EDA: variants seen among roughly 807,000 people sequenced by gnomAD.
The protein encoded by EDA is ectodysplasin A.
A neutral mutation model predicts 23.6 loss-of-function variants in EDA; 2 were observed. That is an observed-to-expected ratio of 0.08 (90% CI 0.03 to 0.27). EDA has a LOEUF of 0.27. EDA is among the 10% of genes least tolerant of loss of function. EDA has a pLI of 1.00. For synonymous variants in EDA, 131 were observed against 132.0 expected (o/e 0.99, Z 0.05); for missense variants, 229 against 324.2 (o/e 0.71, Z 2.26).
chrX:69,771,519 G>T (rs1050901403), intron 1 of EDA, among the ~76,000 whole-genome samples: 1 of 111,620 alleles, frequency 9.0e-6, no homozygotes, highest in African/African-American at 3.3e-5. Context: ...GCAGTGCCTG[G>T]TGTGAGGGGG....
intron 1 of EDA, among the ~76,000 whole-genome samples, chrX:69,762,735 A>G (rs2014348655): frequency 8.9e-6 from 1 of 112,131 alleles, no homozygotes; most frequent in Non-Finnish European, 1.9e-5. Context: ...AGAAGAGGAA[A>G]GGTGATTTCC....
chrX:69,735,854 G>C (rs2013233746), intron 1 of EDA, among the ~76,000 whole-genome samples: 1 of 111,348 alleles, frequency 9.0e-6, no homozygotes, highest in East Asian at 2.8e-4. Context: ...AAGAACAAAA[G>C]AGGATTGCCC....
At chrX:70,024,991 C>A (rs143422807) in intron 3 of EDA, among the ~76,000 whole-genome samples, 2 of 111,728 alleles carry the variant, frequency 1.8e-5, no homozygotes, top group African/African-American at 6.5e-5. Context: ...TGAAGTTATC[C>A]TCTTGCTCCA....
chrX:69,921,193 T>G (rs1046967646), intron 1 of EDA, among the ~76,000 whole-genome samples: 1 of 110,527 alleles, frequency 9.0e-6, no homozygotes, highest in Non-Finnish European at 1.9e-5. Flanking sequence ...ATATGTATAT[T>G]TCCTGCCCCA....
Position 69,934,709 on chromosome X carries a change from A to G in EDA, c.397-22318A>G, listed in dbSNP as rs1380182731. Among the ~76,000 whole-genome samples, 5 of 111,969 alleles carry G rather than the reference A, an allele frequency of 4.5e-5. No individual in the cohort carries two copies. The East Asian group carries it at 1.4e-3, about 31-fold the overall frequency. On this transcript the variant is annotated intron_variant, in intron 1 of 7. Coordinates refer to ENST00000374552, the MANE Select transcript of EDA (RefSeq NM_001399.5). Reference sequence around the variant, plus strand: ...TTTTGATACAGGCACACAATGTGTAATAATCACAACAAGGTAAATGCAGTA... The same window carrying G: ...TTTTGATACAGGCACACAATGTGTAGTAATCACAACAAGGTAAATGCAGTA...
intron 4 of EDA, among the ~76,000 whole-genome samples, chrX:70,029,085 G>C (rs1316519194): frequency 8.9e-6 from 1 of 112,676 alleles, no homozygotes; most frequent in Non-Finnish European, 1.9e-5. Context: ...TTATCTCCTA[G>C]AGGAAGAGAG....
intron 1 of EDA, among the ~76,000 whole-genome samples, chrX:69,785,813 GAGTT>G (rs2015143546): frequency 9.4e-6 from 1 of 106,865 alleles, no homozygotes; most frequent in Non-Finnish European, 2.0e-5. Flanking sequence ...CTCATAAAAT[GAGTT>G]AGGGAGGATT....
chrX:69,976,677 T>C (rs971612588), intron 2 of EDA, among the ~76,000 whole-genome samples: 3 of 110,099 alleles, frequency 2.7e-5, no homozygotes, highest in African/African-American at 9.9e-5. Flanking sequence ...GGGAGTGTAA[T>C]GATTTGGAGA....
intron 1 of EDA, among the ~76,000 whole-genome samples, chrX:69,848,567 C>G (rs2017055718): frequency 8.9e-6 from 1 of 111,861 alleles, no homozygotes; most frequent in Admixed American, 9.5e-5. Context: ...GTCCCCCATA[C>G]AATCCCCAGT....
At position 69,742,085 on chromosome X, in the gene EDA, G is replaced by C. The variant is rs1057234812; in HGVS notation, c.396+125381G>C. Among the ~76,000 whole-genome samples the C allele has an allele frequency of 3.6e-5, 4 of 111,989 alleles. No homozygotes were observed. The South Asian group carries it at 1.5e-3, about 42-fold the overall frequency. On this transcript the variant is annotated intron_variant, in intron 1 of 7. Coordinates refer to ENST00000374552, the MANE Select transcript of EDA (RefSeq NM_001399.5). ...GGATTGGCAGCTTTTGAGTTTCCCA[G>C]CTTTTCTCTCCTGGTGTAGAATCTT...
chrX:69,645,633 T>G (rs1361977453), intron 1 of EDA, among the ~76,000 whole-genome samples: 1 of 97,429 alleles, frequency 1.0e-5, no homozygotes, highest in Non-Finnish European at 2.0e-5. Context: ...TATATATATA[T>G]ATGTATAAAA....
At chrX:69,710,495 A>G (rs2011950814) in intron 1 of EDA, among the ~76,000 whole-genome samples, 1 of 111,190 alleles carries the variant, frequency 9.0e-6, no homozygotes, top group Non-Finnish European at 1.9e-5. Flanking sequence ...TTTTGGTTCC[A>G]TATGAACTTT....
chrX:69,677,030 C>T (rs1377628862), intron 1 of EDA, among the ~76,000 whole-genome samples: 69 of 91,432 alleles, frequency 7.5e-4, no homozygotes, highest in African/African-American at 2.6e-3. Context: ...TTCCTGTGTC[C>T]ATGTGTTCTC....
chrX:69,956,492 C>G (rs1477266840), intron 1 of EDA, among the ~76,000 whole-genome samples: 1 of 108,948 alleles, frequency 9.2e-6, no homozygotes, highest in Non-Finnish European at 1.9e-5. Flanking sequence ...TAGGCACCCC[C>G]CACCACCACA....
Position 70,035,800 on chromosome X carries a change from T to A in EDA, c.*191T>A. 2.0e-6 allele frequency: 1 copy of A among 499,705 alleles called. No individual in the cohort carries two copies. Among genetic ancestry groups the A allele is most frequent in the Non-Finnish European group, 3.3e-6 (1 of 303,175 alleles). The allele number at this position is 499,705 out of a possible 1,213,427, so 41.2% of individuals were successfully genotyped here. ...TTGACTTTCCAGAATGACCTTGAGT[T>A]AACAGGACAGTTGATGGAGCCCCAG... On this transcript the variant is annotated 3_prime_UTR_variant, in exon 8 of 8. Transcript: ENST00000374552.
chrX:69,967,293 T>C (rs1184758963), intron 2 of EDA, among the ~76,000 whole-genome samples: 1 of 110,893 alleles, frequency 9.0e-6, no homozygotes, highest in African/African-American at 3.3e-5. Flanking sequence ...CAGAAGTAGA[T>C]AGATTTGAGT....
chrX:69,781,705 C>T (rs1273627620), intron 1 of EDA, among the ~76,000 whole-genome samples: 1 of 110,769 alleles, frequency 9.0e-6, no homozygotes, highest in Non-Finnish European at 1.9e-5. Context: ...TCAACAGAAA[C>T]CTATAGTCAC....
At chrX:69,716,152 T>C (rs751813233) in intron 1 of EDA, among the ~76,000 whole-genome samples, 6 of 112,260 alleles carry the variant, frequency 5.3e-5, no homozygotes, top group African/African-American at 1.9e-4. Context: ...TGTGCCTATA[T>C]CCTGAGTGGT....
chrX:69,688,648 A>T (rs937012543), intron 1 of EDA, among the ~76,000 whole-genome samples: 7 of 111,227 alleles, frequency 6.3e-5, no homozygotes, highest in African/African-American at 2.3e-4. Flanking sequence ...TGATCTGCCC[A>T]TCTTGGCCTC....
Sources: gnomAD v4.1 joint callset for allele counts (sites outside exome capture counted in the v4.1 genomes callset) on GRCh38, gnomAD v4.1.1 for gene constraint, MANE v1.5 for transcripts, NCBI Gene and HGNC (gene_info 2026-07-23, HGNC 2026-07-21) for gene names.